Variants in KIAA1328 observed in about 807,000 individuals in gnomAD.
KIAA1328 encodes KIAA1328, also known as protein hinderin.
KIAA1328 carries 52 observed loss-of-function variants against 68.1 expected under a neutral mutation model. The observed-to-expected ratio is 0.76, with a 90% CI of 0.61 to 0.96. KIAA1328 has a LOEUF of 0.96. Ranked by LOEUF, KIAA1328 falls within the 40% of genes least tolerant of loss-of-function variation. The pLI is 0.00. For missense variants in KIAA1328, 641 were observed against 677.6 expected (o/e 0.95, Z 0.60); for synonymous variants, 232 against 239.4 (o/e 0.97, Z 0.28).
At chr18:37,041,652 GT>G (rs1168423653) in intron 6 of KIAA1328, among the ~76,000 whole-genome samples, 6 of 140,414 alleles carry the variant, frequency 4.3e-5, no homozygotes, top group African/African-American at 1.6e-4. Flanking sequence ...GTGTGTGTGT[GT>G]GTGTGTGTGT....
chr18:37,079,495 A>G (rs2056872745), intron 7 of KIAA1328, among the ~76,000 whole-genome samples: 1 of 151,050 alleles, frequency 6.6e-6, no homozygotes, highest in Non-Finnish European at 1.5e-5. Context: ...ATAAAATAAA[A>G]TAAAAATAAA....
intron 5 of KIAA1328, among the ~76,000 whole-genome samples, chr18:36,915,084 A>C (rs1053599866): frequency 6.6e-6 from 1 of 152,202 alleles, no homozygotes; most frequent in Non-Finnish European, 1.5e-5. Flanking sequence ...ATGCTAAAAC[A>C]CTTTTTTAAA....
chr18:36,976,988 A>G (rs2052497795), intron 6 of KIAA1328, among the ~76,000 whole-genome samples: 1 of 152,210 alleles, frequency 6.6e-6, no homozygotes, highest in African/African-American at 2.4e-5. Flanking sequence ...AATACCCCCT[A>G]CAGTGTGGTA....
intron 5 of KIAA1328, among the ~76,000 whole-genome samples, chr18:36,892,823 AT>A (rs749897201): frequency 1.3e-5 from 2 of 152,188 alleles, no homozygotes; most frequent in Non-Finnish European, 2.9e-5. Flanking sequence ...TACTTATTTT[AT>A]TGTTGTCTAA....
At chr18:37,001,944 C>T (rs1340771123) in intron 6 of KIAA1328, among the ~76,000 whole-genome samples, 1 of 151,970 alleles carries the variant, frequency 6.6e-6, no homozygotes, top group Non-Finnish European at 1.5e-5. Flanking sequence ...AGAACTGGAA[C>T]AAAACAAGGA....
intron 7 of KIAA1328, among the ~76,000 whole-genome samples, chr18:37,109,066 A>G (rs1455680563): frequency 1.3e-5 from 2 of 152,100 alleles, no homozygotes; most frequent in African/African-American, 4.8e-5. Context: ...GCTTAGAATG[A>G]TGGTTTCCAG....
chr18:37,065,371 A>G (rs1599134763), intron 6 of KIAA1328, among the ~76,000 whole-genome samples: 1 of 152,188 alleles, frequency 6.6e-6, no homozygotes, highest in South Asian at 2.1e-4. Context: ...GCTTTCACTA[A>G]AGACTGAATC....
chr18:37,019,445 G>C (rs575459805), intron 6 of KIAA1328, among the ~76,000 whole-genome samples: 1 of 152,198 alleles, frequency 6.6e-6, no homozygotes, highest in Admixed American at 6.5e-5. Context: ...TCAACCTCAC[G>C]GTGCCGGGAG....
chr18:37,087,643 A>G (rs1431896995), intron 7 of KIAA1328, among the ~76,000 whole-genome samples: 2 of 152,148 alleles, frequency 1.3e-5, no homozygotes, highest in African/African-American at 2.4e-5. Context: ...CAGCTAATGG[A>G]CTTCACCATG....
chr18:37,229,027 T>C (rs2060653150), downstream of KIAA1328, among the ~76,000 whole-genome samples: 1 of 152,190 alleles, frequency 6.6e-6, no homozygotes, highest in Non-Finnish European at 1.5e-5. Context: ...TGTGACTCCC[T>C]TTGTTGTGAT....
Position 36,953,217 on chromosome 18 carries a change from A to G in KIAA1328, c.449-6091A>G, listed in dbSNP as rs550200330. 2.7e-5 allele frequency among the ~76,000 whole-genome samples: 4 copies of G among 147,856 alleles called. No homozygotes were observed. The South Asian group carries it at 8.4e-4, about 31-fold the overall frequency. The stretch of plus-strand genomic sequence containing the variant: ...TATGCATATATAATTGTATATAAAC[A>G]TAATTATTAAATTATTATATTTATA... On this transcript the variant is annotated intron_variant, in intron 5 of 9. Coordinates refer to ENST00000280020, the MANE Select transcript of KIAA1328 (RefSeq NM_020776.3).
intron 7 of KIAA1328, among the ~76,000 whole-genome samples, chr18:37,130,521 G>A (rs1428549763): frequency 1.3e-5 from 2 of 152,134 alleles, no homozygotes; most frequent in Non-Finnish European, 2.9e-5. Flanking sequence ...AGGAGACGGA[G>A]GCAGGAGAAT....
intron 5 of KIAA1328, among the ~76,000 whole-genome samples, chr18:36,895,374 A>T (rs565635419): frequency 6.6e-6 from 1 of 152,340 alleles, no homozygotes; most frequent in South Asian, 2.1e-4. Flanking sequence ...AGTGAAGGCC[A>T]CGAGGAAAAG....
At chr18:37,214,744 A>G (rs1215608482) in intron 9 of KIAA1328, among the ~76,000 whole-genome samples, 2 of 152,174 alleles carry the variant, frequency 1.3e-5, no homozygotes, top group Non-Finnish European at 2.9e-5. Context: ...CTTGGGCAGT[A>G]TGGCCATTTT....
At chr18:37,197,620 T>C (rs975905679) in intron 9 of KIAA1328, among the ~76,000 whole-genome samples, 2 of 152,144 alleles carry the variant, frequency 1.3e-5, no homozygotes, top group Non-Finnish European at 2.9e-5. Flanking sequence ...CTTCCTTCCC[T>C]GTTGCAGAAC....
rs186073725 is a variant in KIAA1328 at position 36,988,148 on chromosome 18, G to A, written c.576+28713G>A. Among the ~76,000 whole-genome samples the A allele has an allele frequency of 5.1e-4, 78 of 152,242 alleles. 1 individual carries two copies. Among genetic ancestry groups the A allele is most frequent in the African/African-American group, 1.7e-3 (71 of 41,548 alleles). On this transcript the variant is annotated intron_variant, in intron 6 of 9. Transcript: ENST00000280020. ...TGAAACCCGCAGAAACTGGAATGAC[G>A]TTCACATATATGAGCAATCAATTCT...
intron 7 of KIAA1328, among the ~76,000 whole-genome samples, chr18:37,146,002 T>G (rs1195195440): frequency 6.6e-6 from 1 of 152,182 alleles, no homozygotes; most frequent in East Asian, 1.9e-4. Flanking sequence ...CGCTCCCAAT[T>G]TATTAGTTTA....
intron 7 of KIAA1328, among the ~76,000 whole-genome samples, chr18:37,091,622 AT>A (rs2057270376): frequency 6.6e-6 from 1 of 152,038 alleles, no homozygotes; most frequent in Non-Finnish European, 1.5e-5. Flanking sequence ...CCTCCCTGCC[AT>A]TTTAGGAGAT....
chr18:37,029,338 T>C (rs1383598211), intron 6 of KIAA1328, among the ~76,000 whole-genome samples: 1 of 152,052 alleles, frequency 6.6e-6, no homozygotes, highest in Non-Finnish European at 1.5e-5. Flanking sequence ...AGAGTTTTAT[T>C]TGGGATTGGT....
Sources: allele counts gnomAD v4.1 joint callset (sites outside exome capture counted in the v4.1 genomes callset), GRCh38; gene constraint gnomAD v4.1.1; transcripts MANE v1.5; gene names NCBI Gene and HGNC (gene_info 2026-07-23, HGNC 2026-07-21).